Variants in SPMIP11 observed in about 807,000 individuals in gnomAD.
SPMIP11 encodes the protein sperm microtubule inner protein 11, also known as long intergenic non-protein coding RNA 935.
At chr12:48,758,488 T>C in the SPMIP11 span, among the ~76,000 whole-genome samples, 5 of 152,340 alleles carry the variant, frequency 3.3e-5, no homozygotes, top group South Asian at 6.2e-4. Flanking sequence ...CTGAAACGGA[T>C]GTGTTTGATT....
the SPMIP11 span, among the ~76,000 whole-genome samples, chr12:48,731,727 C>G: frequency 6.6e-6 from 1 of 152,142 alleles, no homozygotes; most frequent in East Asian, 1.9e-4. Context: ...TGTGTTCTTT[C>G]TGACCCCTCA....
chr12:48,763,561 A>T, the SPMIP11 span, among the ~76,000 whole-genome samples: 518 of 152,316 alleles, frequency 3.4e-3, 1 homozygote, highest in African/African-American at 0.012. Flanking sequence ...TAGGGATTTT[A>T]AAAAAATTAT....
At chr12:48,748,467 C>A in the SPMIP11 span, among the ~76,000 whole-genome samples, 1 of 151,206 alleles carries the variant, frequency 6.6e-6, no homozygotes, top group Non-Finnish European at 1.5e-5. Flanking sequence ...ATCAAAATTC[C>A]TGGAAAGAGA....
the SPMIP11 span, among the ~76,000 whole-genome samples, chr12:48,742,843 C>G: frequency 1.1e-4 from 16 of 151,862 alleles, no homozygotes; most frequent in Non-Finnish European, 2.2e-4. Flanking sequence ...CAAGATCCTG[C>G]CATTGCACTC....
At chr12:48,728,475 G>A in the SPMIP11 span, among the ~76,000 whole-genome samples, 18 of 152,260 alleles carry the variant, frequency 1.2e-4, no homozygotes, top group South Asian at 3.5e-3. Flanking sequence ...TTGGGAGGCC[G>A]AGGCGGGCGG....
chr12:48,757,457 C>T, the SPMIP11 span, among the ~76,000 whole-genome samples: 1 of 151,282 alleles, frequency 6.6e-6, no homozygotes, highest in African/African-American at 2.4e-5. Flanking sequence ...ACCAGCCTGG[C>T]CAATATGGTG....
the SPMIP11 span, among the ~76,000 whole-genome samples, chr12:48,743,053 G>A: frequency 6.6e-6 from 1 of 152,032 alleles, no homozygotes; most frequent in East Asian, 1.9e-4. Flanking sequence ...TTCAAGACCA[G>A]CCTGGGCAAC....
the SPMIP11 span, among the ~76,000 whole-genome samples, chr12:48,732,527 T>C: frequency 6.6e-6 from 1 of 152,094 alleles, no homozygotes; most frequent in African/African-American, 2.4e-5. Flanking sequence ...CCCAGCACTT[T>C]GGGAGGCCGA....
chr12:48,751,560 T>C, the SPMIP11 span, among the ~76,000 whole-genome samples: 16 of 152,142 alleles, frequency 1.1e-4, no homozygotes, highest in South Asian at 2.1e-4. Context: ...GAGCCATGAT[T>C]GCACCAGTGC....
At chr12:48,761,292 C>T in the SPMIP11 span, among the ~76,000 whole-genome samples, 4 of 151,810 alleles carry the variant, frequency 2.6e-5, no homozygotes, top group South Asian at 4.2e-4. Context: ...ACTAAAAATA[C>T]AAAAAAATGT....
At chr12:48,758,563 C>T in the SPMIP11 span, among the ~76,000 whole-genome samples, 1 of 152,236 alleles carries the variant, frequency 6.6e-6, no homozygotes, top group Non-Finnish European at 1.5e-5. Context: ...AAGAACTAGT[C>T]TATTCAGCCT....
chr12:48,752,326 G>A, the SPMIP11 span, among the ~76,000 whole-genome samples: 1 of 152,250 alleles, frequency 6.6e-6, no homozygotes, highest in Non-Finnish European at 1.5e-5. Context: ...GATTCCTTGA[G>A]GTACAAAAAA....
chr12:48,758,621 T>C, the SPMIP11 span, among the ~76,000 whole-genome samples: 1 of 152,192 alleles, frequency 6.6e-6, no homozygotes, highest in Non-Finnish European at 1.5e-5. Context: ...TTCCCAAACA[T>C]AATGAATGCT....
At chr12:48,739,144 C>T in the SPMIP11 span, among the ~76,000 whole-genome samples, 1 of 151,910 alleles carries the variant, frequency 6.6e-6, no homozygotes, top group Non-Finnish European at 1.5e-5. Context: ...TTATTTTGGT[C>T]TCTGTTTTTC....
chr12:48,768,401 GT>G, the SPMIP11 span: 1 of 754,582 alleles, frequency 1.3e-6, no homozygotes, highest in Non-Finnish European at 2.2e-6. Flanking sequence ...AATCCTCTCG[GT>G]AGGTAGCCCC....
At chr12:48,763,275 C>T in the SPMIP11 span, among the ~76,000 whole-genome samples, 1 of 151,956 alleles carries the variant, frequency 6.6e-6, no homozygotes, top group Non-Finnish European at 1.5e-5. Flanking sequence ...CAGGCTCAAA[C>T]GATCCTTCCC....
chr12:48,739,654 G>A, the SPMIP11 span, among the ~76,000 whole-genome samples: 1 of 152,192 alleles, frequency 6.6e-6, no homozygotes, highest in South Asian at 2.1e-4. Flanking sequence ...AATGAAGTAG[G>A]AGAAAAAGAG....
At chr12:48,728,941 G>A in the SPMIP11 span, among the ~76,000 whole-genome samples, 1 of 152,074 alleles carries the variant, frequency 6.6e-6, no homozygotes, top group African/African-American at 2.4e-5. Context: ...TTAGTAGGCA[G>A]TGAGCAGATC....
the SPMIP11 span, chr12:48,769,036 T>C: frequency 6.2e-7 from 1 of 1,613,198 alleles, no homozygotes; most frequent in African/African-American, 1.3e-5. Flanking sequence ...CGATGACACC[T>C]GCCACGACTG....
Sources: allele counts gnomAD v4.1 joint callset (sites outside exome capture counted in the v4.1 genomes callset), GRCh38; gene constraint gnomAD v4.1.1; transcripts MANE v1.5; gene names NCBI Gene and HGNC (gene_info 2026-07-23, HGNC 2026-07-21).